The following ANKRD36C variants were observed in gnomAD, a reference collection of about 807,000 sequenced individuals.
ANKRD36C encodes the protein ankyrin repeat domain-containing protein 36C.
A neutral mutation model predicts 276.4 loss-of-function variants in ANKRD36C; 61 were observed. That is an observed-to-expected ratio of 0.22 (90% CI 0.18 to 0.27). The LOEUF (loss-of-function observed/expected upper bound fraction) is 0.27. Among genes scored for constraint, ANKRD36C ranks in the 10% least tolerant of loss-of-function variants. The probability of loss-of-function intolerance (pLI) is 1.00; values close to 1 mark genes in which losing one functional copy is unlikely to be tolerated. For missense variants in ANKRD36C, 1,447 were observed against 2,032.3 expected (o/e 0.71, Z 5.54); for synonymous variants, 483 against 680.1 (o/e 0.71, Z 4.51).
At chr2:95,887,655 T>G (rs1049934578) in intron 50 of ANKRD36C, among the ~76,000 whole-genome samples, 1 of 151,744 alleles carries the variant, frequency 6.6e-6, no homozygotes, top group African/African-American at 2.4e-5. Flanking sequence ...AGCAAAATTA[T>G]GCTGTTCCCC....
intron 4 of ANKRD36C, among the ~76,000 whole-genome samples, chr2:95,981,921 C>A (rs1441898637): frequency 6.6e-6 from 1 of 152,086 alleles, no homozygotes; most frequent in African/African-American, 2.4e-5. Context: ...ATCATACAAT[C>A]AAAAGCATCA....
chr2:95,925,642 A>G, intron 28 of ANKRD36C, 95 bp from the exon 29 acceptor site: 13 of 1,279,130 alleles, frequency 1.0e-5, no homozygotes, highest in Middle Eastern at 2.7e-4. Flanking sequence ...GTATCCTCCC[A>G]CCTGCACTAG....
In ANKRD36C at chr2:95,914,042, C is replaced by A. The variant is rs763774316; in HGVS notation, c.2551+66G>T. 805 of 1,454,042 alleles carry A rather than the reference C, an allele frequency of 5.5e-4. 1 individual carries two copies. The highest frequency in any genetic ancestry group is 6.8e-4 in the Non-Finnish European group (724 of 1,068,866). The allele number at this position is 1,454,042 out of a possible 1,614,324, so 90.1% of individuals were successfully genotyped here. Reference sequence around the variant, plus strand: ...GCTTCAACGAGCCCCCCGCTGATTTCTTCAGGGAAGAGAATTTCTTATCTA... The same window carrying A: ...GCTTCAACGAGCCCCCCGCTGATTTATTCAGGGAAGAGAATTTCTTATCTA... On this transcript the variant is annotated intron_variant, in intron 40 of 66. Transcript: ENST00000456556.
chr2:95,949,989 G>A (rs202001006), intron 16 of ANKRD36C, among the ~76,000 whole-genome samples: 53 of 1,354 alleles, frequency 0.039, no homozygotes, highest in African/African-American at 0.13. Context: ...AAGGAAAAAA[G>A]AAGAATCCAG....
intron 42 of ANKRD36C, among the ~76,000 whole-genome samples, chr2:95,903,331 A>T (rs1573753103): frequency 6.6e-6 from 1 of 150,524 alleles, no homozygotes; most frequent in Non-Finnish European, 1.5e-5. Context: ...ATTAAAATAA[A>T]ACCATGTCAA....
chr2:95,982,415 G>A, intron 3 of ANKRD36C, 53 bp from the exon 4 acceptor site: 1 of 1,420,188 alleles, frequency 7.0e-7, no homozygotes, highest in South Asian at 1.3e-5. Flanking sequence ...TTTATCAACT[G>A]AAATGAAAAC....
At chr2:95,933,470 GTTC>G (rs1558645870) in intron 24 of ANKRD36C, among the ~76,000 whole-genome samples, 1 of 32,420 alleles carries the variant, frequency 3.1e-5, no homozygotes, top group South Asian at 1.1e-3. Flanking sequence ...GGTTTGTAGT[GTTC>G]CTTGAAGAGG....
At chr2:95,914,084 C>G (rs1369813836) in intron 40 of ANKRD36C, 24 bp downstream of exon 42, 1 of 1,540,780 alleles carries the variant, frequency 6.5e-7, no homozygotes, top group Non-Finnish European at 8.8e-7. Context: ...CTGATCATGA[C>G]ATTAAATCTC....
At chr2:95,913,548 T>G (rs1009403964) in intron 40 of ANKRD36C, among the ~76,000 whole-genome samples, 7 of 151,446 alleles carry the variant, frequency 4.6e-5, no homozygotes, top group Non-Finnish European at 8.9e-5. Flanking sequence ...ATATTTGTTA[T>G]GAAAATATTC....
intron 47 of ANKRD36C, 24 bp from the exon 68 acceptor site, chr2:95,889,895 A>C (rs538871609): frequency 6.2e-7 from 1 of 1,607,330 alleles, no homozygotes; most frequent in African/African-American, 1.3e-5. Flanking sequence ...GAAACACAAC[A>C]GTCAATAAAT....
exon 3 of ANKRD36C, chr2:95,986,845 C>G (rs1679038123): frequency 2.5e-6 from 4 of 1,611,886 alleles, no homozygotes; most frequent in Non-Finnish European, 3.4e-6. Context: ...AGCAGTCCTT[C>G]CAAAGACATC....
chr2:95,851,212 A>G lies in ANKRD36C; in HGVS notation c.5314-17T>C. The G allele has an allele frequency of 6.7e-7, 1 of 1,501,748 alleles. No individual in the cohort carries two copies. The highest frequency in any genetic ancestry group is 9.1e-7 in the Non-Finnish European group (1 of 1,100,770). The allele number at this position is 1,501,748 out of a possible 1,614,324, so 93.0% of individuals were successfully genotyped here. A position where few individuals can be genotyped will look rare whatever the true frequency, so the allele number is the denominator to read the frequency against. On this transcript the variant is annotated splice_polypyrimidine_tract_variant and intron_variant, in intron 66 of 66. Coordinates refer to ENST00000456556, the Ensembl canonical transcript of ANKRD36C. ...CTGCAGCATCTGAAATAAATCAAATATTACTTATAATGTTTCAGTCAAACA... is the reference window on the plus strand; with the variant it reads ...CTGCAGCATCTGAAATAAATCAAATGTTACTTATAATGTTTCAGTCAAACA...
exon 5 of ANKRD36C, chr2:95,980,715 C>T: frequency 1.2e-6 from 2 of 1,612,242 alleles, no homozygotes; most frequent in Non-Finnish European, 1.7e-6. Flanking sequence ...GAAAACACAT[C>T]AATATTGTGC....
At chr2:95,869,677 G>A (rs1323146832) in intron 59 of ANKRD36C, among the ~76,000 whole-genome samples, 1 of 152,252 alleles carries the variant, frequency 6.6e-6, no homozygotes, top group Non-Finnish European at 1.5e-5. Flanking sequence ...AGTGGGTGCA[G>A]TGCACCGTGC....
intron 42 of ANKRD36C, 45 bp from the exon 47 acceptor site, chr2:95,908,742 C>G: frequency 6.5e-7 from 1 of 1,538,590 alleles, no homozygotes; most frequent in Non-Finnish European, 8.8e-7. Flanking sequence ...GTAAAAATGA[C>G]AAAATTATCC....
chr2:95,855,665 A>G, exon 63 of ANKRD36C: 1 of 1,611,604 alleles, frequency 6.2e-7, no homozygotes, highest in Non-Finnish European at 8.5e-7. Context: ...CTCCTGTGTA[A>G]TGGAGCTCAG....
rs752498673 is a variant in ANKRD36C, at chr2:95,925,490, A to G, written c.1968+29T>C. On this transcript the variant is annotated intron_variant, in intron 29 of 66. Coordinates refer to ENST00000456556, the Ensembl canonical transcript of ANKRD36C. ...TATTTCATAGGCTATGTAATAAATAATTCAAAATATAAATGAAAGAGTAAC... is the reference window on the plus strand; with the variant it reads ...TATTTCATAGGCTATGTAATAAATAGTTCAAAATATAAATGAAAGAGTAAC... 4.3e-5 allele frequency: 66 copies of G among 1,548,222 alleles called. No individual in the cohort carries two copies. The Admixed American group carries it at 4.8e-4, about 11-fold the overall frequency.
intron 3 of ANKRD36C, 33 bp downstream of exon 3, chr2:95,986,718 G>A: frequency 6.4e-7 from 1 of 1,570,936 alleles, no homozygotes; most frequent in Non-Finnish European, 8.6e-7. Context: ...ATGCATTTCA[G>A]ATAGTTTGAA....
intron 44 of ANKRD36C, chr2:95,894,349 T>C (rs1325402191): frequency 2.0e-5 from 3 of 152,886 alleles, no homozygotes; most frequent in African/African-American, 7.3e-5. Context: ...TATCCACTAG[T>C]TTAGCCTTCC....
Sources: allele counts gnomAD v4.1 joint callset (sites outside exome capture counted in the v4.1 genomes callset), GRCh38; gene constraint gnomAD v4.1.1; transcripts MANE v1.5; gene names NCBI Gene and HGNC (gene_info 2026-07-23, HGNC 2026-07-21).